The following NDNF variants were observed in gnomAD, a reference collection of about 807,000 sequenced individuals.
The protein encoded by NDNF is neuron derived neurotrophic factor, also known as protein NDNF.
Under a neutral mutation model 42.0 loss-of-function variants are expected in NDNF, and 16 were observed. The observed-to-expected ratio is 0.38, with a 90% CI of 0.26 to 0.58. NDNF has a LOEUF of 0.58. Among genes scored for constraint, NDNF ranks in the 20% least tolerant of loss-of-function variants. The pLI is 0.67. For synonymous variants in NDNF, 248 were observed against 251.7 expected (o/e 0.99, Z 0.14); for missense variants, 616 against 666.2 (o/e 0.92, Z 0.83).
chr4:121,037,730 T>C, intron 3 of NDNF, 73 bp from the exon 4 acceptor site: 2 of 1,092,026 alleles, frequency 1.8e-6, no homozygotes, highest in Admixed American at 2.5e-5. Flanking sequence ...AGTTATCCTT[T>C]TATCTTATTT....
intron 2 of NDNF, among the ~76,000 whole-genome samples, chr4:121,043,721 G>C (rs139232193): frequency 0.013 from 1,966 of 152,264 alleles, 46 homozygotes; most frequent in African/African-American, 0.045. Flanking sequence ...ACATAATGTG[G>C]AATGCTGTAT....
chr4:121,049,106 T>G (rs186981274), intron 1 of NDNF, among the ~76,000 whole-genome samples: 3 of 152,330 alleles, frequency 2.0e-5, no homozygotes, highest in Non-Finnish European at 2.9e-5. Context: ...CTGATTATTA[T>G]ATATTCTCCA....
At chr4:121,067,122 C>A (rs1172201035) in intron 1 of NDNF, among the ~76,000 whole-genome samples, 1 of 152,154 alleles carries the variant, frequency 6.6e-6, no homozygotes, top group East Asian at 1.9e-4. Context: ...GAGTTGATTC[C>A]CAATCACGCG....
chr4:121,053,697 TC>T (rs1179546537), intron 1 of NDNF, among the ~76,000 whole-genome samples: 1 of 152,222 alleles, frequency 6.6e-6, no homozygotes, highest in African/African-American at 2.4e-5. Flanking sequence ...CAAAATGTCC[TC>T]TATATGTGAA....
chr4:121,070,270 T>C (rs1727567629), intron 1 of NDNF, among the ~76,000 whole-genome samples: 3 of 152,216 alleles, frequency 2.0e-5, no homozygotes. Context: ...CTCTGCTTTA[T>C]ATACATATTC....
In NDNF at chr4:121,036,265, T is replaced by C; in HGVS notation, c.1706A>G (p.Ter569TrpextTer52). 1 of 1,592,748 alleles carries C rather than the reference T, an allele frequency of 6.3e-7. No individual in the cohort carries two copies. Among genetic ancestry groups the C allele is most frequent in the Non-Finnish European group, 8.5e-7 (1 of 1,172,444 alleles). The part of the protein sequence containing the change: ...SKVVKTRKFC[*>W] ...TAATATATCTCTATAAGAAGGTAACTAACAGAACTTTCTAGTTTTCACAAC... is the reference window on the plus strand; with the variant it reads ...TAATATATCTCTATAAGAAGGTAACCAACAGAACTTTCTAGTTTTCACAAC... The change falls in exon 4 of 4, where the codon TAG becomes TGG. Residue 569 changes from the stop codon to tryptophan (W), a stop_lost. Transcript: ENST00000379692.
chr4:121,059,415 T>C (rs1019039959), intron 1 of NDNF, among the ~76,000 whole-genome samples: 2 of 152,242 alleles, frequency 1.3e-5, no homozygotes, highest in African/African-American at 2.4e-5. Flanking sequence ...AAAATATGAA[T>C]GCTTTTGACA....
rs200916360 is a variant in NDNF at position 121,039,942 on chromosome 4, C to G, written c.301G>C (p.Gly101Arg). The G allele has an allele frequency of 2.5e-6, 4 of 1,613,794 alleles. No homozygotes were observed. The South Asian group carries it at 4.4e-5, about 18-fold the overall frequency. Residue 101 changes from glycine to arginine, a missense_variant, in exon 3 of 4, where the codon GGG becomes CGG. Transcript: ENST00000379692. ...SLQELPEDRS[G>R]EGSGDLEPLE... ...TCCTGCTGCTTACCTGAGCCTTCCC[C>G]GCTCCTGTCCTCTGGCAGCTCCTGG...
intron 2 of NDNF, among the ~76,000 whole-genome samples, chr4:121,043,801 TTTTGA>T (rs1385002190): frequency 1.3e-5 from 2 of 152,106 alleles, no homozygotes; most frequent in Non-Finnish European, 2.9e-5. Context: ...TACAGAAAAA[TTTTGA>T]TTTGATTTCA....
rs1560603344 is a variant in NDNF at position 121,039,222 on chromosome 4, A to ATGTATGTG, written c.313+707_313+708insCACATACA. Among the ~76,000 whole-genome samples the ATGTATGTG allele has an allele frequency of 6.9e-5, 7 of 101,850 alleles. 1 individual carries two copies. Among genetic ancestry groups the ATGTATGTG allele is most frequent in the Non-Finnish European group, 1.4e-4 (7 of 49,274 alleles). 66.8% of individuals were successfully genotyped at this position (101,850 alleles called of 152,430 possible). Reference sequence around the variant, plus strand: ...TATATATATATATATATATATATATATATATATATATATAAAGACTATGTA... The same window carrying ATGTATGTG: ...TATATATATATATATATATATATATATGTATGTGTATATATATATATAAAGACTATGTA... On this transcript the variant is annotated intron_variant, in intron 3 of 3. Coordinates refer to ENST00000379692, the MANE Select transcript of NDNF (RefSeq NM_024574.4).
At chr4:121,040,465 A>C (rs933337069) in intron 2 of NDNF, among the ~76,000 whole-genome samples, 1 of 152,214 alleles carries the variant, frequency 6.6e-6, no homozygotes, top group African/African-American at 2.4e-5. Flanking sequence ...CATGCTTTCC[A>C]TACATTTGGT....
chr4:121,039,178 ATGTGTGTGTG>A (rs749717084), intron 3 of NDNF, among the ~76,000 whole-genome samples: 5,251 of 66,270 alleles, frequency 0.079, 429 homozygotes, highest in Admixed American at 0.13. Flanking sequence ...TATAAAGACT[ATGTGTGTGTG>A]TGTGTATATA....
chr4:121,058,380 G>A (rs1255146079), intron 1 of NDNF, among the ~76,000 whole-genome samples: 2 of 152,162 alleles, frequency 1.3e-5, no homozygotes, highest in African/African-American at 4.8e-5. Flanking sequence ...AAATAACTCA[G>A]CGGACACCTC....
At chr4:121,047,248 C>T (rs761963423) in intron 1 of NDNF, among the ~76,000 whole-genome samples, 11 of 152,176 alleles carry the variant, frequency 7.2e-5, no homozygotes, top group Admixed American at 2.0e-4. Flanking sequence ...TTTTTCACAA[C>T]GAGCTTGTGC....
At chr4:121,057,291 G>A (rs1727313193) in intron 1 of NDNF, among the ~76,000 whole-genome samples, 1 of 152,126 alleles carries the variant, frequency 6.6e-6, no homozygotes, top group Non-Finnish European at 1.5e-5. Context: ...CACGTGAAGA[G>A]TAAGCCATAC....
chr4:121,040,030 GTCT>G lies in NDNF; in HGVS notation c.210_212del (p.Glu70del), dbSNP rs764242233. On this transcript the variant is annotated inframe_deletion, in exon 3 of 4. Transcript: ENST00000379692. ...TCACTGTGACTGATAATGGAGTATT[GTCT>G]TCTTCAACCACAAAGAAATACCTGT... 16 of 1,613,626 alleles carry G rather than the reference GTCT, an allele frequency of 9.9e-6. No individual in the cohort carries two copies. Among genetic ancestry groups the G allele is most frequent in the South Asian group, 6.6e-5 (6 of 91,030 alleles).
rs773710298 is a variant in NDNF at position 121,045,716 on chromosome 4, T to A, written c.122A>T (p.His41Leu). The change falls in exon 2 of 4, where the codon CAT becomes CTT. Residue 41 changes from histidine to leucine, a missense_variant. His to Leu is a moderately conservative substitution (Grantham distance 99, BLOSUM62 -3). Coordinates refer to ENST00000379692, the MANE Select transcript of NDNF (RefSeq NM_024574.4). ...QMQIRDKAFFHDSSVIPDGAE... is the reference protein window; with the variant it reads ...QMQIRDKAFFLDSSVIPDGAE... ...TCCATCTGGAATTACTGACGAATCA[T>A]GAAAAAATGCCTTGTCCCGGATCTG... The A allele has an allele frequency of 6.2e-7, 1 of 1,614,204 alleles. No homozygotes were observed. Among genetic ancestry groups the A allele is most frequent in the Admixed American group, 1.7e-5 (1 of 60,036 alleles).
chr4:121,056,292 T>C (rs1727294239), intron 1 of NDNF, among the ~76,000 whole-genome samples: 1 of 152,168 alleles, frequency 6.6e-6, no homozygotes, highest in Non-Finnish European at 1.5e-5. Context: ...CAGGAGGGAA[T>C]TGACTGCAGT....
chr4:121,067,927 G>C (rs1174747308), intron 1 of NDNF, among the ~76,000 whole-genome samples: 1 of 152,194 alleles, frequency 6.6e-6, no homozygotes, highest in Admixed American at 6.5e-5. Flanking sequence ...AAGCAGCCAA[G>C]GATACACCTG....
Sources: gnomAD v4.1 joint callset for allele counts (sites outside exome capture counted in the v4.1 genomes callset) on GRCh38, gnomAD v4.1.1 for gene constraint, MANE v1.5 for transcripts, NCBI Gene and HGNC (gene_info 2026-07-23, HGNC 2026-07-21) for gene names.